Variants in RNF10 observed in about 807,000 individuals in gnomAD.
RNF10 encodes ring finger protein 10.
RNF10 carries 38 observed loss-of-function variants against 91.4 expected under a neutral mutation model. That is an observed-to-expected ratio of 0.42 (90% CI 0.32 to 0.54). The LOEUF (loss-of-function observed/expected upper bound fraction) is 0.54. RNF10 is among the 20% of genes least tolerant of loss of function. The pLI, the probability that RNF10 is intolerant of heterozygous loss-of-function variation, is 0.16. For missense variants in RNF10, 945 were observed against 1,012.0 expected, an observed-to-expected ratio of 0.93 and a Z score of 0.90; for synonymous variants, 364 against 366.3, an observed-to-expected ratio of 0.99 and a Z score of 0.07.
chr12:120,575,779 T>C lies in RNF10; in HGVS notation c.2201-13T>C, dbSNP rs368033923. 1 of 1,614,174 alleles carries C rather than the reference T, an allele frequency of 6.2e-7. No homozygotes were observed. Among genetic ancestry groups the C allele is most frequent in the African/African-American group, 1.3e-5 (1 of 75,048 alleles). ...AGAGTTGTTTCTATAGTTTTAACACTGGTATTTTTTAGATGAGAACAGCTT... is the reference window on the plus strand; with the variant it reads ...AGAGTTGTTTCTATAGTTTTAACACCGGTATTTTTTAGATGAGAACAGCTT... On this transcript the variant is annotated splice_polypyrimidine_tract_variant and intron_variant, in intron 15 of 16. Transcript: ENST00000325954.
chr12:120,549,250 G>A (rs376026028), intron 2 of RNF10, among the ~76,000 whole-genome samples: 2 of 152,284 alleles, frequency 1.3e-5, no homozygotes, highest in East Asian at 1.9e-4. Context: ...TGAGCCAAGA[G>A]GAGATTTGGA....
chr12:120,575,301 G>A (rs1342032991), intron 14 of RNF10: 2 of 292,084 alleles, frequency 6.8e-6, no homozygotes, highest in Admixed American at 4.8e-5. Flanking sequence ...AGGGGTCCCA[G>A]GAAGGGCAGA....
rs1381076454 is a variant in RNF10, at chr12:120,552,482, A to G, written c.355-17A>G. 9 of 1,607,116 alleles carry G rather than the reference A, an allele frequency of 5.6e-6. No individual in the cohort carries two copies. The South Asian group carries it at 8.8e-5, about 16-fold the overall frequency. On this transcript the variant is annotated splice_polypyrimidine_tract_variant and intron_variant, in intron 2 of 16. Transcript: ENST00000325954. ...TCATCCTAATCTGAAATACTGATTC[A>G]TTCTCATTCTCTCTAGGTAGCAGAG...
At position 120,554,844 on chromosome 12, in the gene RNF10, G is replaced by A. The variant is rs376044446; in HGVS notation, c.645+36G>A. The A allele has an allele frequency of 4.9e-5, 75 of 1,526,534 alleles. No homozygotes were observed. The African/African-American group carries it at 1.0e-3, about 21-fold the overall frequency. The allele number at this position is 1,526,534 out of a possible 1,614,324, so 94.6% of individuals were successfully genotyped here. On this transcript the variant is annotated intron_variant, in intron 4 of 16. Transcript: ENST00000325954. ...CAGCCAAGCCCATAAGCTATGAATG[G>A]GAGCACTAAATAAAGGCACTGTGGT...
At chr12:120,575,580 G>A in intron 14 of RNF10, 51 bp from the exon 15 acceptor site, 2 of 1,607,782 alleles carry the variant, frequency 1.2e-6, no homozygotes, top group Non-Finnish European at 1.7e-6. Context: ...TGAAAAAGAA[G>A]TTGGACCAGC....
At position 120,546,397 on chromosome 12, in the gene RNF10, G is replaced by C; in HGVS notation, c.158-8G>C. 1 of 1,602,410 alleles carries C rather than the reference G, an allele frequency of 6.2e-7. No homozygotes were observed. The highest frequency in any genetic ancestry group is 8.5e-7 in the Non-Finnish European group (1 of 1,174,934). On this transcript the variant is annotated splice_polypyrimidine_tract_variant and splice_region_variant and intron_variant, in intron 1 of 16. Transcript: ENST00000325954. ...CTTAAGACGTTCTTTTGTGTTTCTTGCTTTCAGATGGAAAGAACTCCAGTG... is the reference window on the plus strand; with the variant it reads ...CTTAAGACGTTCTTTTGTGTTTCTTCCTTTCAGATGGAAAGAACTCCAGTG...
chr12:120,534,871 C>T lies in RNF10; in HGVS notation c.60C>T (p.Gly20=), dbSNP rs766374320. 12 of 1,608,396 alleles carry T rather than the reference C, an allele frequency of 7.5e-6. No individual in the cohort carries two copies. In the East Asian group the frequency reaches 2.7e-4, roughly 36 times the overall value. The change falls in exon 1 of 17, where the codon GGC becomes GGT. Residue 20 remains glycine, a synonymous_variant. Coordinates refer to ENST00000325954, the MANE Select transcript of RNF10 (RefSeq NM_014868.5). ...ATASDMDKNS[G]SNSSSASSGS... is the part of the protein sequence containing the mutation. ...CCTCCGACATGGACAAGAACAGCGG[C>T]TCCAACAGCTCCTCCGCCTCTTCGG... is the stretch of plus-strand genomic sequence containing the variant.
chr12:120,576,750 T>C lies in RNF10; in HGVS notation c.*84T>C. The C allele has an allele frequency of 6.4e-7, 1 of 1,572,628 alleles. No individual in the cohort carries two copies. The highest frequency in any genetic ancestry group is 1.2e-5 in the South Asian group (1 of 84,922). On this transcript the variant is annotated 3_prime_UTR_variant, in exon 17 of 17. Coordinates refer to ENST00000325954, the MANE Select transcript of RNF10 (RefSeq NM_014868.5). The stretch of plus-strand genomic sequence containing the variant: ...ATGCTTTTGTTTGGCTGCTGTAATT[T>C]TTAAGTATTTGAGTTTGAACAGATT...
chr12:120,575,710 A>AG (rs1877295940), intron 15 of RNF10, 22 bp downstream of exon 15: 1 of 1,614,174 alleles, frequency 6.2e-7, no homozygotes, highest in Non-Finnish European at 8.5e-7. Context: ...CCACTGGTGA[A>AG]GGGGGAGTTT....
At chr12:120,542,239 C>T (rs1324863428) in intron 1 of RNF10, among the ~76,000 whole-genome samples, 2 of 152,194 alleles carry the variant, frequency 1.3e-5, no homozygotes, top group African/African-American at 4.8e-5. Flanking sequence ...TAGCACACCG[C>T]AGCCTCAACC....
intron 7 of RNF10, among the ~76,000 whole-genome samples, chr12:120,562,466 G>A (rs146788376): frequency 0.014 from 2,144 of 151,576 alleles, 55 homozygotes; most frequent in South Asian, 0.066. Flanking sequence ...TAGAGATGGG[G>A]TTTCTCCATG....
chr12:120,567,998 C>CTG (rs1324750937), intron 13 of RNF10, among the ~76,000 whole-genome samples: 1 of 152,044 alleles, frequency 6.6e-6, no homozygotes, highest in Non-Finnish European at 1.5e-5. Context: ...TGGCTCACAC[C>CTG]TGTAATCTCA....
intron 1 of RNF10, among the ~76,000 whole-genome samples, chr12:120,540,135 T>C (rs976054048): frequency 1.3e-5 from 2 of 151,912 alleles, no homozygotes; most frequent in Non-Finnish European, 2.9e-5. Flanking sequence ...ATTATCTTTT[T>C]TTTTTTTGTA....
chr12:120,557,291 A>G lies in RNF10; in HGVS notation c.655A>G (p.Ser219Gly). The change falls in exon 5 of 17, where the codon AGC becomes GGC. Residue 219 changes from serine to glycine, a missense_variant. By Grantham distance (56) the Ser-to-Gly change is moderately conservative. Transcript: ENST00000325954. ...WDFVEQVRIC[S>G]HEVPSCPICL... ...TGGCATTTTGTTTCAGCGCATTTGT[A>G]GCCATGAAGTGCCATCTTGCCCAAT... The G allele has an allele frequency of 6.2e-7, 1 of 1,613,968 alleles. No homozygotes were observed. The highest frequency in any genetic ancestry group is 8.5e-7 in the Non-Finnish European group (1 of 1,179,904).
intron 2 of RNF10, among the ~76,000 whole-genome samples, chr12:120,548,696 T>C (rs1872646278): frequency 6.7e-6 from 1 of 148,786 alleles, no homozygotes; most frequent in African/African-American, 2.5e-5. Flanking sequence ...TCTCGCTCTG[T>C]CCCCCCAGGC....
chr12:120,564,147 TG>T (rs1276914659), intron 10 of RNF10, among the ~76,000 whole-genome samples: 1 of 152,230 alleles, frequency 6.6e-6, no homozygotes, highest in African/African-American at 2.4e-5. Context: ...CAGTTAATGC[TG>T]TTCCCTGCTT....
chr12:120,565,156 G>T lies in RNF10; in HGVS notation c.1750G>T (p.Val584Leu), dbSNP rs1276913381. ...SICELALQPP[V>L]VSKETLEMFS... ...CTGTGAACTGGCTTTGCAACCTCCT[G>T]TGGTCTCTAAGGAAACCCTAGAGAT... is the stretch of plus-strand genomic sequence containing the variant. The change falls in exon 11 of 17, where the codon GTG becomes TTG. Residue 584 changes from valine (V) to leucine (L), a missense_variant. Coordinates refer to ENST00000325954, the MANE Select transcript of RNF10 (RefSeq NM_014868.5). 1 of 1,613,316 alleles carries T rather than the reference G, an allele frequency of 6.2e-7. No homozygotes were observed. The highest frequency in any genetic ancestry group is 1.7e-5 in the Admixed American group (1 of 59,998).
At position 120,563,513 on chromosome 12, in the gene RNF10, A is replaced by G. The variant is rs768056108; in HGVS notation, c.1421A>G (p.Asp474Gly). 3 of 1,614,046 alleles carry G rather than the reference A, an allele frequency of 1.9e-6. No homozygotes were observed. The highest frequency in any genetic ancestry group is 2.7e-5 in the African/African-American group (2 of 74,908). The change falls in exon 9 of 17, where the codon GAT becomes GGT. Residue 474 changes from aspartate (D) to glycine (G), a missense_variant. Asp to Gly is a moderately conservative substitution (Grantham distance 94, BLOSUM62 -1). Transcript: ENST00000325954. ...GCCTGTGATGACTTGGAGTTAGCAG[A>G]TGACAATCTTAAAGAGGGGACCATT... ...PEACDDLELA[D>G]DNLKEGTICT...
intron 2 of RNF10, among the ~76,000 whole-genome samples, chr12:120,551,291 T>TTTTTG (rs1555226293): frequency 9.8e-4 from 27 of 27,476 alleles, no homozygotes; most frequent in African/African-American, 1.8e-3. Flanking sequence ...CATCCTAGTG[T>TTTTTG]TTTTTTTTTT....
Sources: allele counts gnomAD v4.1 joint callset (sites outside exome capture counted in the v4.1 genomes callset), GRCh38; gene constraint gnomAD v4.1.1; transcripts MANE v1.5; gene names NCBI Gene and HGNC (gene_info 2026-07-23, HGNC 2026-07-21).